Variants in SULT1B1 observed in about 807,000 individuals in gnomAD.
SULT1B1 encodes the protein sulfotransferase 1B1.
A neutral mutation model predicts 34.6 loss-of-function variants in SULT1B1; 28 were observed. The ratio of observed to expected loss-of-function variants is 0.81; its 90% CI spans 0.60 to 1.11. SULT1B1 has a LOEUF of 1.11. SULT1B1 is among the 50% of genes least tolerant of loss of function. The pLI, the probability that SULT1B1 is intolerant of heterozygous loss-of-function variation, is 0.00. For synonymous variants in SULT1B1, 147 were observed against 110.2 expected, an observed-to-expected ratio of 1.33 and a Z score of -2.09; for missense variants, 374 against 352.2, an observed-to-expected ratio of 1.06 and a Z score of -0.50.
At position 69,749,802 on chromosome 4, in the gene SULT1B1, C is replaced by T; in HGVS notation, c.294G>A (p.Glu98=). Reference sequence around the variant, plus strand: ...TCACAATCCGGGGTGATGGATTCTTCTCCAATTGTTCTATACCTGAGAAAT... The same window carrying T: ...TCACAATCCGGGGTGATGGATTCTTTTCCAATTGTTCTATACCTGAGAAAT... ...GLRTSGIEQL[E]KNPSPRIVKT... is the part of the protein sequence containing the mutation. The change falls in exon 4 of 8, where the codon GAG becomes GAA. Residue 98 remains glutamate, a synonymous_variant. Transcript: ENST00000310613. 6.2e-7 allele frequency: 1 copy of T among 1,613,092 alleles called. No homozygotes were observed.
At chr4:69,740,539 C>T (rs1718506638) in intron 4 of SULT1B1, among the ~76,000 whole-genome samples, 1 of 152,160 alleles carries the variant, frequency 6.6e-6, no homozygotes, top group Non-Finnish European at 1.5e-5. Flanking sequence ...TATTACAATT[C>T]AAGGTGAGAT....
At position 69,721,469 on chromosome 4, in the gene SULT1B1, G is replaced by C. The variant is rs557765195; in HGVS notation, c.*5619C>G. The stretch of plus-strand genomic sequence containing the variant: ...TATCAAGCATTTTGAAGAAATTATA[G>C]TATCTTTTTTTCTGTATATGAAAGG... On this transcript the variant is annotated 3_prime_UTR_variant, in exon 8 of 8. Coordinates refer to ENST00000310613, the MANE Select transcript of SULT1B1 (RefSeq NM_014465.4). 9 of 152,092 alleles carry C rather than the reference G, an allele frequency of 5.9e-5. No homozygotes were observed. In the South Asian group the frequency reaches 1.2e-3, roughly 21 times the overall value. 9.4% of individuals were successfully genotyped at this position (152,092 alleles called of 1,614,324 possible).
In SULT1B1 at chr4:69,730,586, T is replaced by C; in HGVS notation, c.693A>G (p.Glu231=). 6.2e-7 allele frequency: 1 copy of C among 1,613,250 alleles called. No homozygotes were observed. The change falls in exon 7 of 8, where the codon GAA becomes GAG. Residue 231 remains glutamate, a synonymous_variant. Transcript: ENST00000310613. ...LDRIIHHTSF[E]VMKDNPLVNY... ...TTACCAAAGGATTGTCCTTCATCAC[T>C]TCAAATGAGGTGTGATGGATGATCC... is the stretch of plus-strand genomic sequence containing the variant.
At chr4:69,746,631 T>C (rs981522155) in intron 4 of SULT1B1, among the ~76,000 whole-genome samples, 2 of 152,214 alleles carry the variant, frequency 1.3e-5, no homozygotes, top group African/African-American at 4.8e-5. Flanking sequence ...TGGATTGGGT[T>C]TCAACCTTTT....
rs544495381 is a variant in SULT1B1, at chr4:69,741,933, T to A, written c.376-7669A>T. On this transcript the variant is annotated intron_variant, in intron 4 of 7. Transcript: ENST00000310613. The stretch of plus-strand genomic sequence containing the variant: ...CCTGTACTATGTTGAGAAAGAGTGA[T>A]GAAAGTGGGCATCCTTGTTTTGTTC... 5.3e-5 allele frequency among the ~76,000 whole-genome samples: 8 copies of A among 152,306 alleles called. No homozygotes were observed. The South Asian group carries it at 1.7e-3, about 32-fold the overall frequency.
At chr4:69,758,641 T>C (rs1484492666) in intron 1 of SULT1B1, among the ~76,000 whole-genome samples, 2 of 152,174 alleles carry the variant, frequency 1.3e-5, no homozygotes, top group African/African-American at 4.8e-5. Context: ...TGCACACATA[T>C]TATGCAAAAG....
At chr4:69,746,398 T>A (rs1718747153) in intron 4 of SULT1B1, among the ~76,000 whole-genome samples, 1 of 152,330 alleles carries the variant, frequency 6.6e-6, no homozygotes, top group Non-Finnish European at 1.5e-5. Context: ...GTTTTGTTCA[T>A]TTTTTATATC....
Position 69,724,769 on chromosome 4 carries a change from G to C in SULT1B1, c.*2319C>G, listed in dbSNP as rs1717754970. 1 of 152,208 alleles carries C rather than the reference G, an allele frequency of 6.6e-6. No homozygotes were observed. Among genetic ancestry groups the C allele is most frequent in the Non-Finnish European group, 1.5e-5 (1 of 68,078 alleles). The allele number at this position is 152,208 out of a possible 1,614,324, so 9.4% of individuals were successfully genotyped here. On this transcript the variant is annotated 3_prime_UTR_variant, in exon 8 of 8. Coordinates refer to ENST00000310613, the MANE Select transcript of SULT1B1 (RefSeq NM_014465.4). ...AAACCTGACGAAAACAAGCAATGGG[G>C]AAAGGATTCCCTATTTAATAAATGG...
At chr4:69,747,065 C>T (rs1718775916) in intron 4 of SULT1B1, among the ~76,000 whole-genome samples, 1 of 152,164 alleles carries the variant, frequency 6.6e-6, no homozygotes, top group Admixed American at 6.5e-5. Context: ...CAAGCACCTG[C>T]TCTACCAGAG....
intron 4 of SULT1B1, among the ~76,000 whole-genome samples, chr4:69,746,272 T>A (rs530188322): frequency 2.6e-5 from 4 of 152,330 alleles, no homozygotes; most frequent in African/African-American, 9.6e-5. Context: ...GTTGAGAAAA[T>A]TTTTATTGAC....
Position 69,754,673 on chromosome 4 carries a change from A to T in SULT1B1, c.274T>A (p.Ser92Thr). 1 of 1,612,548 alleles carries T rather than the reference A, an allele frequency of 6.2e-7. No homozygotes were observed. Among genetic ancestry groups the T allele is most frequent in the Non-Finnish European group, 8.5e-7 (1 of 1,179,240 alleles). The part of the protein sequence containing the change: ...LEMTLPGLRT[S>T]GIEQLEKNPS... ...ATTCCAAGTGGGTTAAATTTACCTG[A>T]TGTTCTTAATCCAGGGAGAGTCATT... The change falls in exon 3 of 8, where the codon TCA becomes ACA. Residue 92 changes from serine (S) to threonine (T), a missense_variant. Transcript: ENST00000310613.
At chr4:69,740,188 A>G (rs1319810627) in intron 4 of SULT1B1, among the ~76,000 whole-genome samples, 1 of 152,180 alleles carries the variant, frequency 6.6e-6, no homozygotes, top group African/African-American at 2.4e-5. Flanking sequence ...GTAGTGCCCC[A>G]CTACCTCAGT....
At chr4:69,741,229 C>A (rs1718538302) in intron 4 of SULT1B1, among the ~76,000 whole-genome samples, 1 of 152,190 alleles carries the variant, frequency 6.6e-6, no homozygotes, top group Admixed American at 6.5e-5. Context: ...GCTCTCTAAC[C>A]TGTTCCATTG....
Position 69,730,620 on chromosome 4 carries a change from A to T in SULT1B1, c.659T>A (p.Ile220Asn), listed in dbSNP as rs1718040542. 3 of 1,613,214 alleles carry T rather than the reference A, an allele frequency of 1.9e-6. No homozygotes were observed. Among genetic ancestry groups the T allele is most frequent in the Non-Finnish European group, 2.5e-6 (3 of 1,179,684 alleles). ...RFLEKNLNDE[I>N]LDRIIHHTSF... Reference sequence around the variant, plus strand: ...GGTGTGATGGATGATCCTATCCAAGATCTCATCATTCAGGTTCTTCTCTAG... The same window carrying T: ...GGTGTGATGGATGATCCTATCCAAGTTCTCATCATTCAGGTTCTTCTCTAG... The change falls in exon 7 of 8, where the codon ATC (isoleucine) becomes AAC (asparagine). Residue 220 changes from isoleucine to asparagine, a missense_variant. Transcript: ENST00000310613.
chr4:69,751,000 T>G (rs1435037011), intron 3 of SULT1B1, among the ~76,000 whole-genome samples: 1 of 152,222 alleles, frequency 6.6e-6, no homozygotes, highest in Non-Finnish European at 1.5e-5. Flanking sequence ...CAAGAATATT[T>G]CCCTTACAAC....
chr4:69,740,564 A>G (rs1718507884), intron 4 of SULT1B1, among the ~76,000 whole-genome samples: 1 of 152,228 alleles, frequency 6.6e-6, no homozygotes, highest in South Asian at 2.1e-4. Context: ...GTAGAGACAC[A>G]GAACAAAACC....
At chr4:69,751,930 A>G (rs1370598392) in intron 3 of SULT1B1, among the ~76,000 whole-genome samples, 1 of 152,012 alleles carries the variant, frequency 6.6e-6, no homozygotes, top group Non-Finnish European at 1.5e-5. Context: ...CATACTTTCT[A>G]TGGTTCTGAA....
intron 4 of SULT1B1, among the ~76,000 whole-genome samples, chr4:69,741,252 G>T (rs1285134664): frequency 1.3e-5 from 2 of 152,148 alleles, no homozygotes; most frequent in Non-Finnish European, 2.9e-5. Context: ...ATATGTGTCT[G>T]TTTTTGTACC....
rs1461822921 is a variant in SULT1B1 at position 69,723,788 on chromosome 4, C to T, written c.*3300G>A. The T allele has an allele frequency of 7.9e-5, 12 of 152,152 alleles. No individual in the cohort carries two copies. The highest frequency in any genetic ancestry group is 1.3e-4 in the Non-Finnish European group (9 of 68,024). 9.4% of individuals were successfully genotyped at this position (152,152 alleles called of 1,614,324 possible). A position where few individuals can be genotyped will look rare whatever the true frequency, so the allele number is the denominator to read the frequency against. ...AAAGACAAAAACCACATGATTATCT[C>T]AATAGATGCAGAAAAGGCCTTTGAC... On this transcript the variant is annotated 3_prime_UTR_variant, in exon 8 of 8. Transcript: ENST00000310613.
Sources: gnomAD v4.1 joint callset for allele counts (sites outside exome capture counted in the v4.1 genomes callset) on GRCh38, gnomAD v4.1.1 for gene constraint, MANE v1.5 for transcripts, NCBI Gene and HGNC (gene_info 2026-07-23, HGNC 2026-07-21) for gene names.